The following CTU2 variants were observed in gnomAD, a reference collection of about 807,000 sequenced individuals.
CTU2 encodes cytosolic thiouridylase subunit 2.
Under a neutral mutation model 64.1 loss-of-function variants are expected in CTU2, and 80 were observed. The observed-to-expected ratio is 1.25, with a 90% CI of 1.04 to 1.50. CTU2 has a LOEUF of 1.50. CTU2 is among the 40% of genes most tolerant of loss of function. The pLI is 0.00. For synonymous variants in CTU2, 482 were observed against 285.3 expected, an observed-to-expected ratio of 1.69 and a Z score of -6.95; for missense variants, 1,110 against 690.2, an observed-to-expected ratio of 1.61 and a Z score of -6.81.
chr16:88,709,681 C>A, intron 2 of CTU2: 1 of 509,916 alleles, frequency 2.0e-6, no homozygotes, highest in Non-Finnish European at 3.5e-6. Flanking sequence ...CCCTCGTTTG[C>A]TGGATGCAGC....
At chr16:88,711,512 T>C (rs1911316736) in intron 4 of CTU2, 123 bp from the exon 5 acceptor site, 3 of 987,932 alleles carry the variant, frequency 3.0e-6, no homozygotes, top group Admixed American at 2.6e-5. Flanking sequence ...ATAAACGCAA[T>C]GGCAGGGGAA....
rs758436943 is a variant in CTU2 at position 88,712,735 on chromosome 16, G to A, written c.567G>A (p.Gly189=). 3 of 1,609,044 alleles carry A rather than the reference G, an allele frequency of 1.9e-6. No individual in the cohort carries two copies. Among genetic ancestry groups the A allele is most frequent in the South Asian group, 1.1e-5 (1 of 90,762 alleles). ...TCCTCCAGCAGCAGCATGTGCTGGGGGCCGGGGGTGGTCCTGGCCCGACTC... is the reference window on the plus strand; with the variant it reads ...TCCTCCAGCAGCAGCATGTGCTGGGAGCCGGGGGTGGTCCTGGCCCGACTC... ...DSFLQQQHVL[G]AGGGPGPTQG... The change falls in exon 7 of 15, where the codon GGG becomes GGA. Residue 189 remains glycine (G), a synonymous_variant. Transcript: ENST00000453996.
At position 88,714,976 on chromosome 16, in the gene CTU2, C is replaced by T. The variant is rs199548828; in HGVS notation, c.1419+50C>T. On this transcript the variant is annotated intron_variant, in intron 13 of 14. Coordinates refer to ENST00000453996, the MANE Select transcript of CTU2 (RefSeq NM_001012759.3). ...GGCCGGGCTTGGGGACGCGGGAAGG[C>T]CGTCACCTCGTGGGTGGCTTGAGGG... The T allele has an allele frequency of 4.2e-5, 67 of 1,603,728 alleles. 1 individual carries two copies. The East Asian group carries it at 1.0e-3, about 25-fold the overall frequency.
intron 9 of CTU2, 139 bp downstream of exon 9, chr16:88,713,917 C>G: frequency 3.9e-6 from 5 of 1,270,346 alleles, no homozygotes; most frequent in Non-Finnish European, 4.5e-6. Flanking sequence ...GCTGCATCCT[C>G]TGAGCCCACC....
At chr16:88,712,065 A>G (rs1911367071) in intron 5 of CTU2, 2 of 688,428 alleles carry the variant, frequency 2.9e-6, no homozygotes, top group Non-Finnish European at 5.3e-6. Context: ...CTGCAGAACG[A>G]ACTCCTGGGG....
At chr16:88,707,050 A>C in intron 1 of CTU2, 86 bp from the exon 2 acceptor site, 1 of 1,377,674 alleles carries the variant, frequency 7.3e-7, no homozygotes. Context: ...TCAGGGTGAG[A>C]AACAGGAGCT....
intron 2 of CTU2, 102 bp downstream of exon 2, chr16:88,707,312 A>C (rs1719714407): frequency 1.8e-6 from 2 of 1,110,452 alleles, no homozygotes; most frequent in Admixed American, 1.8e-5. Context: ...AAAAACATGT[A>C]CTTACTTTAT....
chr16:88,713,520 G>C, intron 8 of CTU2, 73 bp downstream of exon 8: 1 of 1,520,310 alleles, frequency 6.6e-7, no homozygotes, highest in Admixed American at 2.2e-5. Flanking sequence ...CTGGAGAGTA[G>C]CCTCTCGCGT....
chr16:88,708,487 G>A (rs186547834), intron 2 of CTU2, among the ~76,000 whole-genome samples: 26 of 152,230 alleles, frequency 1.7e-4, no homozygotes, highest in African/African-American at 3.9e-4. Context: ...TCCACAGTGC[G>A]GAGGTGAAGC....
At chr16:88,713,951 GA>G (rs1289638074) in intron 9 of CTU2, among the ~76,000 whole-genome samples, 173 bp downstream of exon 9, 1 of 152,164 alleles carries the variant, frequency 6.6e-6, no homozygotes, top group East Asian at 1.9e-4. Flanking sequence ...GTGTGGGGGT[GA>G]CAGGAGGACC....
At chr16:88,707,552 C>A (rs1033471334) in intron 2 of CTU2, among the ~76,000 whole-genome samples, 1 of 152,064 alleles carries the variant, frequency 6.6e-6, no homozygotes, top group African/African-American at 2.4e-5. Flanking sequence ...CGGATCAGAG[C>A]ATCTTGGGAA....
chr16:88,713,538 C>G, intron 8 of CTU2, 91 bp downstream of exon 8: 1 of 1,433,080 alleles, frequency 7.0e-7, no homozygotes, highest in Non-Finnish European at 9.1e-7. Flanking sequence ...CGTATCAGTC[C>G]TGCGGCCTCG....
rs1324412626 is a variant in CTU2 at position 88,714,956 on chromosome 16, G to C, written c.1419+30G>C. The stretch of plus-strand genomic sequence containing the variant: ...GTACGTGCCCACCTGTCCTGGGCCG[G>C]GCTTGGGGACGCGGGAAGGCCGTCA... On this transcript the variant is annotated intron_variant, in intron 13 of 14. Coordinates refer to ENST00000453996, the MANE Select transcript of CTU2 (RefSeq NM_001012759.3). 8 of 1,606,870 alleles carry C rather than the reference G, an allele frequency of 5.0e-6. No homozygotes were observed. The African/African-American group carries it at 1.1e-4, about 22-fold the overall frequency.
chr16:88,713,602 A>G, intron 8 of CTU2, 45 bp from the exon 9 acceptor site: 2 of 1,592,770 alleles, frequency 1.3e-6, no homozygotes. Flanking sequence ...AGGGGCAAGC[A>G]CATTCGGGCC....
Position 88,714,726 on chromosome 16 carries a change from G to T in CTU2, c.1341G>T (p.Gly447=). Residue 447 remains glycine (G), a synonymous_variant, in exon 12 of 15, where the codon GGG becomes GGT. Coordinates refer to ENST00000453996, the MANE Select transcript of CTU2 (RefSeq NM_001012759.3). ...GCTGGGCCCAGCGCTGTGGCCAGGG[G>T]GCCTGCAGGAGGTGAGTCCCTGTCC... The part of the protein sequence containing the change: ...GVGWAQRCGQ[G]ACRREDPQAC... 6.2e-7 allele frequency: 1 copy of T among 1,607,892 alleles called. No individual in the cohort carries two copies. Among genetic ancestry groups the T allele is most frequent in the Non-Finnish European group, 8.5e-7 (1 of 1,177,228 alleles).
At chr16:88,709,747 T>A in intron 2 of CTU2, 191 bp from the exon 3 acceptor site, 1 of 605,902 alleles carries the variant, frequency 1.7e-6, no homozygotes, top group Non-Finnish European at 2.9e-6. Context: ...AGCCTCGTGT[T>A]CACCCTGAGG....
chr16:88,712,247 C>G, intron 5 of CTU2, 27 bp from the exon 6 acceptor site: 1 of 1,566,696 alleles, frequency 6.4e-7, no homozygotes, highest in Non-Finnish European at 8.7e-7. Flanking sequence ...TCTCTGAGCC[C>G]TGACTCTTTC....
chr16:88,713,861 G>C lies in CTU2; in HGVS notation c.1005+83G>C, dbSNP rs968026436. ...GGCTGGGCAGCCTCTCACAGGCTCA[G>C]GTCACCAGCACACCTTCAGTGACTC... On this transcript the variant is annotated intron_variant, in intron 9 of 14. Coordinates refer to ENST00000453996, the MANE Select transcript of CTU2 (RefSeq NM_001012759.3). 9 of 1,559,300 alleles carry C rather than the reference G, an allele frequency of 5.8e-6. No homozygotes were observed. In the African/African-American group the frequency reaches 1.1e-4, roughly 19 times the overall value.
Position 88,710,819 on chromosome 16 carries a change from C to T in CTU2, c.282+537C>T, listed in dbSNP as rs559109803. The T allele has an allele frequency of 3.6e-3, 573 of 159,552 alleles. 4 individuals carry two copies. The highest frequency in any genetic ancestry group is 0.013 in the African/African-American group (548 of 41,578). 9.9% of individuals were successfully genotyped at this position (159,552 alleles called of 1,614,324 possible). A position where few individuals can be genotyped will look rare whatever the true frequency, so the allele number is the denominator to read the frequency against. On this transcript the variant is annotated intron_variant, in intron 4 of 14. Transcript: ENST00000453996. ...TTGCCAGGAGAAGCAAAGGGAGCAG[C>T]GTTTGAGGTGGAGGCGGCGGCCCGC...
Sources: allele counts gnomAD v4.1 joint callset (sites outside exome capture counted in the v4.1 genomes callset), GRCh38; gene constraint gnomAD v4.1.1; transcripts MANE v1.5; gene names NCBI Gene and HGNC (gene_info 2026-07-23, HGNC 2026-07-21).